The following KLHL1 variants were observed in gnomAD, a reference collection of about 807,000 sequenced individuals.
The protein encoded by KLHL1 is kelch like family member 1.
KLHL1 carries 47 observed loss-of-function variants against 77.7 expected under a neutral mutation model. The observed-to-expected ratio is 0.60, with a 90% CI of 0.48 to 0.77. The LOEUF (loss-of-function observed/expected upper bound fraction) is 0.77, where lower values mean the gene tolerates loss of function less well. KLHL1 is among the 30% of genes least tolerant of loss of function. KLHL1 has a pLI of 0.00. For missense variants in KLHL1, 925 were observed against 910.8 expected, an observed-to-expected ratio of 1.02 and a Z score of -0.20; for synonymous variants, 360 against 325.2, an observed-to-expected ratio of 1.11 and a Z score of -1.15.
intron 4 of KLHL1, among the ~76,000 whole-genome samples, chr13:69,916,961 T>C (rs962502201): frequency 1.1e-4 from 16 of 152,032 alleles, no homozygotes; most frequent in African/African-American, 1.7e-4. Flanking sequence ...GTGTAGGCTA[T>C]TTTTGAGTAA....
Position 69,747,175 on chromosome 13 carries a change from C to T in KLHL1, c.1640-6619G>A, listed in dbSNP as rs150267578. Reference sequence around the variant, plus strand: ...TAAGAATTTGATTTGTTTTATTTAGCTTTTACAGTTATACATATTAGGAAG... The same window carrying T: ...TAAGAATTTGATTTGTTTTATTTAGTTTTTACAGTTATACATATTAGGAAG... On this transcript the variant is annotated intron_variant, in intron 7 of 10. Transcript: ENST00000377844. 8.4e-3 allele frequency among the ~76,000 whole-genome samples: 1,282 copies of T among 152,132 alleles called. 10 individuals are homozygous for T. Among genetic ancestry groups the T allele is most frequent in the South Asian group, 0.018 (88 of 4,826 alleles).
At chr13:69,836,378 A>T (rs369631774) in intron 6 of KLHL1, among the ~76,000 whole-genome samples, 3 of 152,224 alleles carry the variant, frequency 2.0e-5, no homozygotes, top group South Asian at 4.1e-4. Flanking sequence ...CAGGCAGAAA[A>T]TGGAAGCTAA....
At chr13:69,872,828 C>T (rs1482859437) in intron 5 of KLHL1, among the ~76,000 whole-genome samples, 1 of 152,074 alleles carries the variant, frequency 6.6e-6, no homozygotes, top group African/African-American at 2.4e-5. Context: ...AGTGGGAACT[C>T]ACTCATTACC....
chr13:70,016,239 C>T (rs1025110974), intron 1 of KLHL1, among the ~76,000 whole-genome samples: 1 of 152,262 alleles, frequency 6.6e-6, no homozygotes, highest in African/African-American at 2.4e-5. Context: ...CTGACACACA[C>T]CAGCTGCAGT....
intron 4 of KLHL1, among the ~76,000 whole-genome samples, chr13:69,937,126 A>G (rs1330758068): frequency 6.6e-6 from 1 of 152,184 alleles, no homozygotes; most frequent in African/African-American, 2.4e-5. Context: ...GGAAGTAGCA[A>G]TGATGACCAG....
intron 4 of KLHL1, among the ~76,000 whole-genome samples, chr13:69,884,364 C>A (rs770099968): frequency 6.6e-6 from 1 of 150,912 alleles, no homozygotes; most frequent in Non-Finnish European, 1.5e-5. Context: ...ATTATAGATG[C>A]CCATAACTGT....
chr13:70,056,747 G>A (rs1349377296), intron 1 of KLHL1, among the ~76,000 whole-genome samples: 1 of 151,958 alleles, frequency 6.6e-6, no homozygotes, highest in Admixed American at 6.6e-5. Context: ...GAAATTAAGA[G>A]AGAAATTTTT....
chr13:69,973,641 G>A (rs988748249), intron 2 of KLHL1, among the ~76,000 whole-genome samples: 6 of 151,820 alleles, frequency 4.0e-5, no homozygotes, highest in East Asian at 1.9e-4. Flanking sequence ...CTAGTTTTGC[G>A]TTAATTACAA....
chr13:69,774,513 T>C (rs1875730013), intron 7 of KLHL1, among the ~76,000 whole-genome samples: 1 of 152,040 alleles, frequency 6.6e-6, no homozygotes, highest in Admixed American at 6.6e-5. Flanking sequence ...TGAAAAATGG[T>C]ATGAGTTCAT....
At chr13:70,030,987 A>T (rs1886083357) in intron 1 of KLHL1, among the ~76,000 whole-genome samples, 1 of 152,204 alleles carries the variant, frequency 6.6e-6, no homozygotes, top group African/African-American at 2.4e-5. Flanking sequence ...TAAACTAGAA[A>T]ATCTAGAAGA....
chr13:69,759,684 A>G (rs943523871), intron 7 of KLHL1, among the ~76,000 whole-genome samples: 3 of 152,184 alleles, frequency 2.0e-5, no homozygotes, highest in Admixed American at 6.5e-5. Flanking sequence ...GCTCTACTCA[A>G]TTGTTAGGTA....
Position 70,107,001 on chromosome 13 carries a change from GA to G in KLHL1, c.497+201del, listed in dbSNP as rs1888076943. ...CTACAACTTTGAAAACTTCCAAAAA[GA>G]AAAGTGAGGTGTCTGAACCAATAGA... On this transcript the variant is annotated intron_variant, in intron 1 of 10. Coordinates refer to ENST00000377844, the MANE Select transcript of KLHL1 (RefSeq NM_020866.3). Among the ~76,000 whole-genome samples, 3 of 152,150 alleles carry G rather than the reference GA, an allele frequency of 2.0e-5. No homozygotes were observed. The South Asian group carries it at 6.2e-4, about 31-fold the overall frequency.
intron 6 of KLHL1, among the ~76,000 whole-genome samples, chr13:69,814,618 A>G (rs145861949): frequency 6.6e-6 from 1 of 152,208 alleles, no homozygotes; most frequent in Non-Finnish European, 1.5e-5. Flanking sequence ...ACATGTGACC[A>G]AGAAACATAA....
At chr13:69,943,029 C>G (rs1379638713) in intron 3 of KLHL1, among the ~76,000 whole-genome samples, 1 of 152,016 alleles carries the variant, frequency 6.6e-6, no homozygotes, top group Non-Finnish European at 1.5e-5. Flanking sequence ...ACTAGTTGTT[C>G]TGCAGAATTC....
At chr13:70,051,632 T>G (rs935081074) in intron 1 of KLHL1, among the ~76,000 whole-genome samples, 2 of 152,042 alleles carry the variant, frequency 1.3e-5, no homozygotes, top group African/African-American at 4.8e-5. Context: ...GAGTTACACA[T>G]GAATTGAAAT....
chr13:69,766,261 G>C (rs1243649706), intron 7 of KLHL1, among the ~76,000 whole-genome samples: 2 of 151,474 alleles, frequency 1.3e-5, no homozygotes, highest in South Asian at 4.2e-4. Context: ...AACCCTCAAA[G>C]GTATAAGTTT....
chr13:69,865,124 A>G (rs1019112854), intron 5 of KLHL1, among the ~76,000 whole-genome samples: 29 of 151,884 alleles, frequency 1.9e-4, no homozygotes, highest in Non-Finnish European at 2.9e-5. Flanking sequence ...TTTTGTAGAG[A>G]TGGGTACTTG....
intron 1 of KLHL1, among the ~76,000 whole-genome samples, chr13:70,057,947 A>C (rs1183946937): frequency 1.3e-5 from 2 of 152,210 alleles, no homozygotes; most frequent in South Asian, 4.1e-4. Context: ...ATTTATCCCA[A>C]CATGTACAAA....
At chr13:69,859,319 T>C (rs1880046051) in intron 5 of KLHL1, among the ~76,000 whole-genome samples, 1 of 151,772 alleles carries the variant, frequency 6.6e-6, no homozygotes, top group East Asian at 2.0e-4. Flanking sequence ...ACTACATCAC[T>C]TGACTTCCTC....
Sources: allele counts gnomAD v4.1 joint callset (sites outside exome capture counted in the v4.1 genomes callset), GRCh38; gene constraint gnomAD v4.1.1; transcripts MANE v1.5; gene names NCBI Gene and HGNC (gene_info 2026-07-23, HGNC 2026-07-21).